Variants in PRELID2 observed in about 807,000 individuals in gnomAD.
The protein encoded by PRELID2 is PRELI domain-containing protein 2.
PRELID2 carries 25 observed loss-of-function variants against 28.4 expected under a neutral mutation model. The ratio of observed to expected loss-of-function variants is 0.88; its 90% CI spans 0.64 to 1.23. The LOEUF (loss-of-function observed/expected upper bound fraction) is 1.23, where lower values mean the gene tolerates loss of function less well. Among genes scored for constraint, PRELID2 ranks in the 50% most tolerant of loss-of-function variants. PRELID2 has a pLI of 0.00. For synonymous variants in PRELID2, 76 were observed against 71.6 expected, an observed-to-expected ratio of 1.06 and a Z score of -0.31; for missense variants, 201 against 214.4, an observed-to-expected ratio of 0.94 and a Z score of 0.39.
In PRELID2 at chr5:145,808,727, G is replaced by GA. The variant is rs200414671; in HGVS notation, c.368+9166dup. Among the ~76,000 whole-genome samples the GA allele has an allele frequency of 7.0e-3, 1,049 of 150,566 alleles. 14 individuals are homozygous for GA. Among genetic ancestry groups the GA allele is most frequent in the African/African-American group, 0.024 (993 of 41,068 alleles). On this transcript the variant is annotated intron_variant, in intron 4 of 6. Coordinates refer to ENST00000683046, the MANE Select transcript of PRELID2 (RefSeq NM_205846.3). Reference sequence around the variant, plus strand: ...AGTGACACCCTGTCTCTACAAAAAAGAAAAAAAAATTAGCCAGGCATGGTA... The same window carrying GA: ...AGTGACACCCTGTCTCTACAAAAAAGAAAAAAAAAATTAGCCAGGCATGGTA...
chr5:145,378,816 C>G, the PRELID2 span, among the ~76,000 whole-genome samples: 1 of 152,156 alleles, frequency 6.6e-6, no homozygotes, highest in Non-Finnish European at 1.5e-5. Flanking sequence ...TGGTTCAGAA[C>G]CCTTGCTAGA....
chr5:145,464,695 CTGTT>C, the PRELID2 span, among the ~76,000 whole-genome samples: 1 of 152,006 alleles, frequency 6.6e-6, no homozygotes, highest in African/African-American at 2.4e-5. Flanking sequence ...TGTTACTTAT[CTGTT>C]TTTCTCATTT....
At chr5:145,785,376 C>A (rs1473226050) in intron 5 of PRELID2, among the ~76,000 whole-genome samples, 2 of 152,182 alleles carry the variant, frequency 1.3e-5, no homozygotes, top group African/African-American at 2.4e-5. Flanking sequence ...AAAGGCACAG[C>A]ATACTATGCT....
chr5:145,731,015 TG>T (rs1756329699), intron 1 of PRELID2, among the ~76,000 whole-genome samples: 1 of 152,208 alleles, frequency 6.6e-6, no homozygotes, highest in Admixed American at 6.5e-5. Context: ...ACTCTTAATC[TG>T]TAAGAGAAAG....
chr5:145,636,822 CA>C (rs1754009444), intron 1 of PRELID2, among the ~76,000 whole-genome samples: 1 of 152,194 alleles, frequency 6.6e-6, no homozygotes, highest in African/African-American at 2.4e-5. Context: ...ACCCAGTGAT[CA>C]AACCGTAGCC....
chr5:145,435,101 G>T, the PRELID2 span, among the ~76,000 whole-genome samples: 2 of 152,172 alleles, frequency 1.3e-5, no homozygotes, highest in Admixed American at 6.5e-5. Flanking sequence ...GAACACAGCA[G>T]TGGGCAAGAC....
intron 1 of PRELID2, among the ~76,000 whole-genome samples, chr5:145,729,616 A>G (rs935681552): frequency 1.3e-5 from 2 of 152,160 alleles, no homozygotes; most frequent in African/African-American, 2.4e-5. Context: ...GGTTCTTCCG[A>G]GTACTCAGCT....
chr5:145,752,537 G>A (rs931348773), downstream of PRELID2, among the ~76,000 whole-genome samples: 2 of 152,136 alleles, frequency 1.3e-5, no homozygotes, highest in East Asian at 1.9e-4. Flanking sequence ...TCGGGAGACG[G>A]ATTGAATTGA....
chr5:145,630,056 C>T (rs1420230438), intron 1 of PRELID2, among the ~76,000 whole-genome samples: 2 of 152,072 alleles, frequency 1.3e-5, no homozygotes, highest in African/African-American at 4.8e-5. Context: ...AAAGGGTAGA[C>T]TTTTGTTTTA....
chr5:145,229,025 G>A, the PRELID2 span: 1 of 1,602,338 alleles, frequency 6.2e-7, no homozygotes, highest in African/African-American at 1.3e-5. Context: ...TTGTGGAGGA[G>A]TTCATCTGGG....
At chr5:145,405,403 T>C in the PRELID2 span, among the ~76,000 whole-genome samples, 1 of 152,298 alleles carries the variant, frequency 6.6e-6, no homozygotes, top group Non-Finnish European at 1.5e-5. Context: ...GACTATGTCA[T>C]TTATAAAGAA....
chr5:145,427,328 A>C, the PRELID2 span, among the ~76,000 whole-genome samples: 1 of 152,224 alleles, frequency 6.6e-6, no homozygotes, highest in Admixed American at 6.5e-5. Context: ...GTGTGTTACC[A>C]AAAGAGCCCT....
chr5:145,286,816 G>T, the PRELID2 span, among the ~76,000 whole-genome samples: 1 of 151,092 alleles, frequency 6.6e-6, no homozygotes, highest in Admixed American at 6.6e-5. Context: ...CTACCTCCTG[G>T]ATTCAAGTGA....
At chr5:145,605,702 A>C (rs1204029099) in intron 1 of PRELID2, among the ~76,000 whole-genome samples, 1 of 151,600 alleles carries the variant, frequency 6.6e-6, no homozygotes, top group Non-Finnish European at 1.5e-5. Context: ...TTTTCTAATT[A>C]GTTGCCATAC....
At chr5:145,353,156 T>A in the PRELID2 span, among the ~76,000 whole-genome samples, 465 of 152,296 alleles carry the variant, frequency 3.1e-3, 1 homozygote, top group African/African-American at 0.011. Flanking sequence ...ATTCTCATGC[T>A]GCTATAAAGA....
the PRELID2 span, among the ~76,000 whole-genome samples, chr5:145,284,041 C>G: frequency 1.2e-4 from 18 of 152,200 alleles, no homozygotes; most frequent in Non-Finnish European, 2.4e-4. Context: ...ATCCGGCTTA[C>G]TGTTTTCTAG....
intron 1 of PRELID2, among the ~76,000 whole-genome samples, chr5:145,698,135 A>G (rs1755322500): frequency 6.6e-6 from 1 of 152,162 alleles, no homozygotes; most frequent in Admixed American, 6.6e-5. Flanking sequence ...TTATAAAGCT[A>G]TAGAAAGTTT....
the PRELID2 span, among the ~76,000 whole-genome samples, chr5:145,450,204 G>T: frequency 6.6e-6 from 1 of 152,106 alleles, no homozygotes; most frequent in African/African-American, 2.4e-5. Context: ...ATAGAAAAAT[G>T]CACAGTCCCT....
At chr5:145,460,311 G>T in the PRELID2 span, among the ~76,000 whole-genome samples, 1 of 152,134 alleles carries the variant, frequency 6.6e-6, no homozygotes, top group African/African-American at 2.4e-5. Flanking sequence ...TCTTATTACA[G>T]CAGATTGTTT....
Sources: gnomAD v4.1 joint callset for allele counts (sites outside exome capture counted in the v4.1 genomes callset) on GRCh38, gnomAD v4.1.1 for gene constraint, MANE v1.5 for transcripts, NCBI Gene and HGNC (gene_info 2026-07-23, HGNC 2026-07-21) for gene names.